ANKRD55: variants seen among roughly 807,000 people sequenced by gnomAD.
ANKRD55 encodes ankyrin repeat domain 55, also known as ankyrin repeat domain-containing protein 55.
ANKRD55 carries 41 observed loss-of-function variants against 60.6 expected under a neutral mutation model. That is an observed-to-expected ratio of 0.68 (90% CI 0.53 to 0.88). ANKRD55 has a LOEUF of 0.88. Among genes scored for constraint, ANKRD55 ranks in the 40% least tolerant of loss-of-function variants. ANKRD55 has a pLI of 0.00. For synonymous variants in ANKRD55, 264 were observed against 290.3 expected (o/e 0.91, Z 0.92); for missense variants, 732 against 767.6 (o/e 0.95, Z 0.55).
Position 56,131,928 on chromosome 5 carries a change from T to C in ANKRD55, c.613-4822A>G, listed in dbSNP as rs561937655. Among the ~76,000 whole-genome samples the C allele has an allele frequency of 6.0e-5, 9 of 151,142 alleles. No individual in the cohort carries two copies. In the South Asian group the frequency reaches 1.9e-3, roughly 32 times the overall value. On this transcript the variant is annotated intron_variant, in intron 7 of 11. Transcript: ENST00000341048. ...GAATAAGTGAAGGTAAAATAAAAACTTTTATTTTTTATTGTTAATTAACCT... is the reference window on the plus strand; with the variant it reads ...GAATAAGTGAAGGTAAAATAAAAACCTTTATTTTTTATTGTTAATTAACCT...
intron 6 of ANKRD55, among the ~76,000 whole-genome samples, chr5:56,148,190 T>C (rs1170926785): frequency 6.6e-6 from 1 of 152,206 alleles, no homozygotes; most frequent in Non-Finnish European, 1.5e-5. Flanking sequence ...TCAGAGTCTG[T>C]TGGATAAGAC....
chr5:56,114,220 C>T (rs1756822753), intron 9 of ANKRD55: 1 of 169,020 alleles, frequency 5.9e-6, no homozygotes, highest in Non-Finnish European at 1.3e-5. Context: ...CCCAGCCACT[C>T]TGGAGGCCGA....
chr5:56,218,534 G>A (rs762828813), intron 2 of ANKRD55, among the ~76,000 whole-genome samples: 1 of 152,160 alleles, frequency 6.6e-6, no homozygotes, highest in Non-Finnish European at 1.5e-5. Context: ...TAGCAATAAA[G>A]TATTTTTAAA....
chr5:56,142,447 C>T (rs190438640), intron 7 of ANKRD55, among the ~76,000 whole-genome samples: 195 of 151,720 alleles, frequency 1.3e-3, no homozygotes, highest in African/African-American at 4.5e-3. Context: ...GTGATTCCAT[C>T]GCAAGGCCAG....
intron 10 of ANKRD55, among the ~76,000 whole-genome samples, chr5:56,104,615 T>C (rs571545666): frequency 6.6e-6 from 1 of 152,108 alleles, no homozygotes; most frequent in South Asian, 2.1e-4. Context: ...GGATAGGAAA[T>C]GTTTTCACAG....
At chr5:56,154,114 G>A (rs181377052) in intron 6 of ANKRD55, among the ~76,000 whole-genome samples, 8 of 145,116 alleles carry the variant, frequency 5.5e-5, no homozygotes, top group African/African-American at 1.8e-4. Flanking sequence ...TTCGGAGGCT[G>A]AGGCAGAACC....
intron 2 of ANKRD55, among the ~76,000 whole-genome samples, chr5:56,189,633 A>G (rs1166089132): frequency 1.3e-5 from 2 of 152,216 alleles, no homozygotes; most frequent in Non-Finnish European, 2.9e-5. Flanking sequence ...AGGTTCATCC[A>G]TGTTGTAGAA....
At chr5:56,193,491 T>C (rs1759159006) in intron 2 of ANKRD55, 1 of 477,404 alleles carries the variant, frequency 2.1e-6, no homozygotes, top group Non-Finnish European at 3.9e-6. Flanking sequence ...ATTTTACAAC[T>C]GTGTATGTGT....
intron 2 of ANKRD55, among the ~76,000 whole-genome samples, chr5:56,190,403 C>T (rs1759066428): frequency 6.6e-6 from 1 of 152,108 alleles, no homozygotes. Flanking sequence ...ATTGCCAAAT[C>T]CAGTGTCATG....
intron 7 of ANKRD55, among the ~76,000 whole-genome samples, chr5:56,132,624 A>C (rs922190142): frequency 7.9e-5 from 12 of 151,806 alleles, no homozygotes; most frequent in African/African-American, 2.9e-4. Context: ...AGGGCAGCAA[A>C]TAGAAAACAG....
rs1758474265 is a variant in ANKRD55 at position 56,166,188 on chromosome 5, TCC to T, written c.422+4504_422+4505del. Reference sequence around the variant, plus strand: ...TTCCTTCCTTCCTTCCTTCCTTCCTTCCTTCCTTCCTTCTCTCTCTCTCTCTC... The same window carrying T: ...TTCCTTCCTTCCTTCCTTCCTTCCTTTTCCTTCCTTCTCTCTCTCTCTCTC... On this transcript the variant is annotated intron_variant, in intron 5 of 11. Transcript: ENST00000341048. Among the ~76,000 whole-genome samples the T allele has an allele frequency of 1.7e-5, 2 of 120,328 alleles. 1 individual carries two copies. The highest frequency in any genetic ancestry group is 8.4e-5 in the African/African-American group (2 of 23,690). 78.9% of individuals were successfully genotyped at this position (120,328 alleles called of 152,430 possible).
chr5:56,140,014 A>G (rs1377156114), intron 7 of ANKRD55, among the ~76,000 whole-genome samples: 1 of 152,198 alleles, frequency 6.6e-6, no homozygotes, highest in East Asian at 1.9e-4. Context: ...TAGTTTACCT[A>G]GTAGGCCTAC....
intron 7 of ANKRD55, among the ~76,000 whole-genome samples, chr5:56,136,726 G>A (rs1757608170): frequency 6.6e-6 from 1 of 152,004 alleles, no homozygotes. Flanking sequence ...TTCAAGACCA[G>A]CCTAGGCAAC....
chr5:56,162,948 C>T (rs748521586), intron 5 of ANKRD55, among the ~76,000 whole-genome samples: 7 of 152,096 alleles, frequency 4.6e-5, no homozygotes, highest in Non-Finnish European at 7.4e-5. Context: ...GGATTACAGG[C>T]GTGAATCACC....
chr5:56,220,814 AAAAACAAAAC>A (rs569150047), intron 2 of ANKRD55, among the ~76,000 whole-genome samples: 5 of 152,262 alleles, frequency 3.3e-5, no homozygotes, highest in African/African-American at 1.2e-4. Flanking sequence ...CTCCATCTCA[AAAAACAAAAC>A]AAAACAAAAC....
intron 2 of ANKRD55, among the ~76,000 whole-genome samples, chr5:56,196,506 G>A (rs1171921647): frequency 6.6e-6 from 1 of 152,152 alleles, no homozygotes; most frequent in Admixed American, 6.6e-5. Flanking sequence ...CCATGTTATA[G>A]ATAAGGAAAC....
At chr5:56,106,393 A>G (rs114778527) in intron 10 of ANKRD55, among the ~76,000 whole-genome samples, 231 of 150,698 alleles carry the variant, frequency 1.5e-3, no homozygotes, top group African/African-American at 5.5e-3. Flanking sequence ...AATGATCACA[A>G]AAATAAAATC....
chr5:56,158,204 G>C (rs1355175931), intron 6 of ANKRD55, among the ~76,000 whole-genome samples: 3 of 152,050 alleles, frequency 2.0e-5, no homozygotes, highest in Admixed American at 6.6e-5. Context: ...GGCAGATGCG[G>C]GGGCATCTGC....
chr5:56,165,252 C>A (rs1758419229), intron 5 of ANKRD55, among the ~76,000 whole-genome samples: 1 of 152,172 alleles, frequency 6.6e-6, no homozygotes, highest in African/African-American at 2.4e-5. Context: ...TCCACACAAA[C>A]AACACACCCC....
Sources: gnomAD v4.1 joint callset for allele counts (sites outside exome capture counted in the v4.1 genomes callset) on GRCh38, gnomAD v4.1.1 for gene constraint, MANE v1.5 for transcripts, NCBI Gene and HGNC (gene_info 2026-07-23, HGNC 2026-07-21) for gene names.